EMSY: variants seen among roughly 807,000 people sequenced by gnomAD.
EMSY encodes the protein BRCA2-interacting transcriptional repressor EMSY.
EMSY carries 26 observed loss-of-function variants against 134.6 expected under a neutral mutation model. The observed-to-expected ratio is 0.19, with a 90% CI of 0.14 to 0.27. EMSY has a LOEUF of 0.27. Among genes scored for constraint, EMSY ranks in the 10% least tolerant of loss-of-function variants. The pLI is 1.00. For synonymous variants in EMSY, 579 were observed against 577.8 expected (o/e 1.00, Z -0.03); for missense variants, 1,305 against 1,611.4 (o/e 0.81, Z 3.26).
chr11:76,484,941 A>T (rs1949123350), intron 8 of EMSY, among the ~76,000 whole-genome samples: 1 of 152,010 alleles, frequency 6.6e-6, no homozygotes, highest in South Asian at 2.1e-4. Context: ...AAAAAAAAAA[A>T]AACCTAGAAG....
At chr11:76,495,390 T>G (rs1287399713) in intron 8 of EMSY, among the ~76,000 whole-genome samples, 3 of 152,234 alleles carry the variant, frequency 2.0e-5, no homozygotes, top group Admixed American at 6.5e-5. Context: ...GTTCTCTCAG[T>G]TAGGAATATT....
intron 8 of EMSY, among the ~76,000 whole-genome samples, chr11:76,489,315 C>CTTTTTTTTT (rs57048007): frequency 7.8e-6 from 1 of 128,168 alleles, no homozygotes; most frequent in Non-Finnish European, 1.7e-5. Flanking sequence ...TTCTTGTTTT[C>CTTTTTTTTT]TTTTTTTTTT....
chr11:76,458,071 T>G, intron 4 of EMSY, 112 bp from the exon 6 acceptor site: 2 of 916,220 alleles, frequency 2.2e-6, no homozygotes, highest in Non-Finnish European at 3.1e-6. Context: ...GCCTCTCCTA[T>G]TCACTCAGGG....
chr11:76,482,778 G>T (rs1318790094), intron 8 of EMSY, among the ~76,000 whole-genome samples: 1 of 152,180 alleles, frequency 6.6e-6, no homozygotes, highest in African/African-American at 2.4e-5. Context: ...GCGTTTGATT[G>T]GTTTACCTGA....
At chr11:76,450,330 A>C (rs1453531059) in intron 2 of EMSY, among the ~76,000 whole-genome samples, 1 of 151,964 alleles carries the variant, frequency 6.6e-6, no homozygotes, top group Non-Finnish European at 1.5e-5. Flanking sequence ...TAAAAGCTGA[A>C]ACATGTTTCC....
chr11:76,460,159 T>G, intron 6 of EMSY, 74 bp downstream of exon 7: 1 of 1,517,720 alleles, frequency 6.6e-7, no homozygotes, highest in Non-Finnish European at 9.1e-7. Flanking sequence ...TAGACCTGCC[T>G]TCCTGGATTA....
At chr11:76,552,089 A>G (rs926022409), downstream of EMSY, 13 of 152,240 alleles carry the variant, frequency 8.5e-5, no homozygotes, top group Non-Finnish European at 1.5e-4. Context: ...AGAATTACAA[A>G]TATTAAGAAA....
In EMSY at chr11:76,535,916, T is replaced by C. The variant is rs569041290; in HGVS notation, c.2216T>C (p.Val739Ala). 110 of 1,549,036 alleles carry C rather than the reference T, an allele frequency of 7.1e-5. 1 individual carries two copies. The East Asian group carries it at 2.5e-3, about 35-fold the overall frequency. ...ACAGATTCCCAGCCTGTAGTTCATG[T>C]AATTGCTTCCCGGCGTCAGGATTGG... is the stretch of plus-strand genomic sequence containing the variant. Residue 739 changes from valine to alanine, a missense_variant, in exon 15 of 21, where the codon GTA (valine) becomes GCA (alanine). Coordinates refer to ENST00000334736, the Ensembl canonical transcript of EMSY.
chr11:76,496,127 T>C (rs1949644863), intron 8 of EMSY, 88 bp from the exon 10 acceptor site: 1 of 1,401,962 alleles, frequency 7.1e-7, no homozygotes, highest in Non-Finnish European at 9.7e-7. Flanking sequence ...TTCCCTATTC[T>C]TTAAACTATT....
chr11:76,539,160 C>G (rs1231540100), intron 16 of EMSY, among the ~76,000 whole-genome samples: 1 of 152,130 alleles, frequency 6.6e-6, no homozygotes, highest in African/African-American at 2.4e-5. Context: ...ATACTGCTTT[C>G]TCTTTTGAAC....
At chr11:76,447,239 C>T (rs1431759852) in intron 2 of EMSY, among the ~76,000 whole-genome samples, 1 of 152,162 alleles carries the variant, frequency 6.6e-6, no homozygotes, top group Non-Finnish European at 1.5e-5. Flanking sequence ...TTGAGGGCTA[C>T]TTGGCTATTC....
intron 11 of EMSY, among the ~76,000 whole-genome samples, chr11:76,522,591 C>T (rs535483461): frequency 6.6e-6 from 1 of 152,094 alleles, no homozygotes; most frequent in East Asian, 1.9e-4. Flanking sequence ...GAACTCCTGA[C>T]CTCTGGTGAT....
At position 76,469,923 on chromosome 11, in the gene EMSY, GT is replaced by G. The variant is rs557513302; in HGVS notation, c.832-2639del. Among the ~76,000 whole-genome samples the G allele has an allele frequency of 7.7e-4, 117 of 152,256 alleles. 1 individual carries two copies. The highest frequency in any genetic ancestry group is 1.1e-3 in the Non-Finnish European group (72 of 68,016). On this transcript the variant is annotated intron_variant, in intron 7 of 20. Coordinates refer to ENST00000334736, the Ensembl canonical transcript of EMSY. ...ATCAAGTCTATCTATAAATATGCTGGTTGACTCTATATAGGTGTTTGCTGAT... is the reference window on the plus strand; with the variant it reads ...ATCAAGTCTATCTATAAATATGCTGGTGACTCTATATAGGTGTTTGCTGAT...
intron 2 of EMSY, among the ~76,000 whole-genome samples, chr11:76,448,068 T>C (rs1316065297): frequency 1.3e-5 from 2 of 151,658 alleles, no homozygotes; most frequent in African/African-American, 4.8e-5. Context: ...ATAGTTTTGT[T>C]AAAACAAAAA....
chr11:76,542,554 T>C (rs754947935), intron 18 of EMSY, among the ~76,000 whole-genome samples, 187 bp downstream of exon 19: 50 of 152,214 alleles, frequency 3.3e-4, no homozygotes, highest in Non-Finnish European at 1.6e-4. Context: ...TGAAACAGTA[T>C]TCTTAAATCT....
intron 20 of EMSY, among the ~76,000 whole-genome samples, chr11:76,548,170 A>G (rs893883595): frequency 6.6e-6 from 1 of 152,236 alleles, no homozygotes; most frequent in African/African-American, 2.4e-5. Context: ...GATAGCTCCT[A>G]TTATTATACT....
chr11:76,454,181 C>T (rs771222623), intron 4 of EMSY, among the ~76,000 whole-genome samples: 1 of 152,104 alleles, frequency 6.6e-6, no homozygotes, highest in Non-Finnish European at 1.5e-5. Flanking sequence ...AAATTCAGTG[C>T]ATTTCCATAA....
At chr11:76,529,458 A>G (rs932718688) in intron 14 of EMSY, among the ~76,000 whole-genome samples, 6 of 152,152 alleles carry the variant, frequency 3.9e-5, no homozygotes, top group Non-Finnish European at 8.8e-5. Context: ...CATTAATTCA[A>G]TTTGACAATT....
chr11:76,479,511 C>T (rs1195375479), intron 8 of EMSY, among the ~76,000 whole-genome samples: 1 of 152,222 alleles, frequency 6.6e-6, no homozygotes, highest in Non-Finnish European at 1.5e-5. Context: ...CTATGTGCAT[C>T]ACTTACTGTG....
Sources: gnomAD v4.1 joint callset for allele counts (sites outside exome capture counted in the v4.1 genomes callset) on GRCh38, gnomAD v4.1.1 for gene constraint, MANE v1.5 for transcripts, NCBI Gene and HGNC (gene_info 2026-07-23, HGNC 2026-07-21) for gene names.